FBXL4: variants seen among roughly 807,000 people sequenced by gnomAD.
FBXL4 encodes F-box and leucine rich repeat protein 4.
FBXL4 carries 40 observed loss-of-function variants against 58.9 expected under a neutral mutation model. The ratio of observed to expected loss-of-function variants is 0.68; its 90% CI spans 0.53 to 0.88. FBXL4 has a LOEUF of 0.88. Among genes scored for constraint, FBXL4 ranks in the 40% least tolerant of loss-of-function variants. The probability of loss-of-function intolerance (pLI) is 0.00; values close to 1 mark genes in which losing one functional copy is unlikely to be tolerated. For synonymous variants in FBXL4, 263 were observed against 265.5 expected, an observed-to-expected ratio of 0.99 and a Z score of 0.09; for missense variants, 676 against 734.4, an observed-to-expected ratio of 0.92 and a Z score of 0.92.
intron 7 of FBXL4, among the ~76,000 whole-genome samples, chr6:98,885,668 T>C (rs764723389): frequency 1.3e-5 from 2 of 152,204 alleles, no homozygotes; most frequent in Non-Finnish European, 2.9e-5. Flanking sequence ...TCCTGGGTCT[T>C]AAACCTGCTA....
At chr6:98,921,159 T>A (rs1772568380) in intron 4 of FBXL4, among the ~76,000 whole-genome samples, 1 of 152,170 alleles carries the variant, frequency 6.6e-6, no homozygotes, top group East Asian at 1.9e-4. Flanking sequence ...TTCTTTCTGT[T>A]GATTGTACTG....
intron 7 of FBXL4, chr6:98,897,336 C>G (rs1298780639): frequency 1.0e-6 from 1 of 985,206 alleles, no homozygotes; most frequent in Non-Finnish European, 1.2e-6. Flanking sequence ...CATTTCACCA[C>G]AGACCAATGA....
At chr6:98,943,086 A>G (rs1046571331) in intron 1 of FBXL4, among the ~76,000 whole-genome samples, 1 of 151,552 alleles carries the variant, frequency 6.6e-6, no homozygotes, top group African/African-American at 2.4e-5. Context: ...AAATCTGAAT[A>G]AGGTCTATAG....
Position 98,904,267 on chromosome 6 carries a change from C to T in FBXL4, c.1103+1159G>A, listed in dbSNP as rs185083058. ...AAGGACTAAACTGTGTTTCACTGGACAGCTGCCAAATATCTAGCAATGAAC... is the reference window on the plus strand; with the variant it reads ...AAGGACTAAACTGTGTTTCACTGGATAGCTGCCAAATATCTAGCAATGAAC... On this transcript the variant is annotated intron_variant, in intron 6 of 9. Transcript: ENST00000369244. Among the ~76,000 whole-genome samples, 27 of 152,244 alleles carry T rather than the reference C, an allele frequency of 1.8e-4. No homozygotes were observed. In the East Asian group the frequency reaches 3.3e-3, roughly 18 times the overall value.
chr6:98,928,540 G>C (rs1377324844), intron 2 of FBXL4, among the ~76,000 whole-genome samples: 4 of 152,024 alleles, frequency 2.6e-5, no homozygotes, highest in Admixed American at 1.3e-4. Flanking sequence ...ATGTTAGCAA[G>C]GCTGATCTCG....
intron 7 of FBXL4, among the ~76,000 whole-genome samples, chr6:98,891,750 A>C (rs2128385633): frequency 6.6e-6 from 1 of 151,936 alleles, no homozygotes; most frequent in East Asian, 1.9e-4. Context: ...AAATTTAAAG[A>C]CATGGCAGTT....
intron 5 of FBXL4, among the ~76,000 whole-genome samples, chr6:98,906,333 C>T (rs1362529119): frequency 6.6e-6 from 1 of 151,714 alleles, no homozygotes; most frequent in African/African-American, 2.4e-5. Context: ...CTAGCCCCAC[C>T]ACCCCCCAAC....
At chr6:98,942,074 G>GA (rs11285691) in intron 1 of FBXL4, among the ~76,000 whole-genome samples, 35 of 144,872 alleles carry the variant, frequency 2.4e-4, no homozygotes, top group Non-Finnish European at 3.2e-4. Flanking sequence ...AATTCTAAAG[G>GA]AAAAAAAAAA....
intron 4 of FBXL4, 90 bp from the exon 5 acceptor site, chr6:98,917,809 G>T: frequency 2.3e-6 from 2 of 863,256 alleles, no homozygotes; most frequent in Non-Finnish European, 1.7e-6. Context: ...ATATGTCACA[G>T]TGTGAAACAA....
intron 2 of FBXL4, among the ~76,000 whole-genome samples, chr6:98,929,948 T>C (rs1056033236): frequency 3.9e-5 from 6 of 152,072 alleles, no homozygotes; most frequent in Non-Finnish European, 8.8e-5. Context: ...CACACAACCT[T>C]CATGGTTTAG....
chr6:98,912,744 G>C (rs377475391), intron 5 of FBXL4, among the ~76,000 whole-genome samples: 4 of 151,814 alleles, frequency 2.6e-5, no homozygotes, highest in Admixed American at 2.6e-4. Context: ...AAAGACCATC[G>C]AGAATAGGAA....
intron 7 of FBXL4, among the ~76,000 whole-genome samples, chr6:98,894,866 A>G (rs1771358558): frequency 6.6e-6 from 1 of 152,218 alleles, no homozygotes; most frequent in Non-Finnish European, 1.5e-5. Flanking sequence ...CATGAAATAA[A>G]TTAAGAAACC....
intron 5 of FBXL4, among the ~76,000 whole-genome samples, chr6:98,913,851 C>A (rs1318301401): frequency 6.6e-6 from 1 of 152,090 alleles, no homozygotes; most frequent in Admixed American, 6.6e-5. Context: ...CATAAAAAAA[C>A]CCTTCAAAAA....
Position 98,871,412 on chromosome 6 carries a change from C to A in FBXL4, c.*2866G>T, listed in dbSNP as rs578014734. On this transcript the variant is annotated 3_prime_UTR_variant, in exon 10 of 10. Coordinates refer to ENST00000369244, the MANE Select transcript of FBXL4 (RefSeq NM_001278716.2). ...TGCTTATTTGATAAGTCAATGCCAA[C>A]GTTGAAGTGACTGAAATTAGTCTCT... 2 of 152,108 alleles carry A rather than the reference C, an allele frequency of 1.3e-5. No individual in the cohort carries two copies. Among genetic ancestry groups the A allele is most frequent in the Admixed American group, 1.3e-4 (2 of 15,280 alleles). 9.4% of individuals were successfully genotyped at this position (152,108 alleles called of 1,614,324 possible).
intron 2 of FBXL4, among the ~76,000 whole-genome samples, chr6:98,930,933 G>C: frequency 6.6e-6 from 1 of 152,136 alleles, no homozygotes; most frequent in East Asian, 1.9e-4. Context: ...AAGTTAAACT[G>C]CAAAAATAAA....
At chr6:98,916,107 C>T (rs1421578372) in intron 5 of FBXL4, among the ~76,000 whole-genome samples, 2 of 151,938 alleles carry the variant, frequency 1.3e-5, no homozygotes, top group Admixed American at 1.3e-4. Context: ...CAAATCAAAA[C>T]CACAATGAGA....
At chr6:98,928,007 G>A (rs1279608694) in intron 2 of FBXL4, among the ~76,000 whole-genome samples, 185 bp from the exon 3 acceptor site, 2 of 152,122 alleles carry the variant, frequency 1.3e-5, no homozygotes, top group Non-Finnish European at 2.9e-5. Flanking sequence ...ATTTAATAAT[G>A]AACGCTATCT....
At chr6:98,890,223 C>T (rs1053129396) in intron 7 of FBXL4, among the ~76,000 whole-genome samples, 3 of 152,068 alleles carry the variant, frequency 2.0e-5, no homozygotes, top group African/African-American at 4.8e-5. Flanking sequence ...CAATATAGGA[C>T]AGTAGGATTC....
At position 98,899,479 on chromosome 6, in the gene FBXL4, A is replaced by C. The variant is rs917867704; in HGVS notation, c.1106T>G (p.Phe369Cys). The change falls in exon 7 of 10, where the codon TTT (phenylalanine) becomes TGT (cysteine). Residue 369 changes from phenylalanine (F) to cysteine (C), a missense_variant and splice_region_variant. Phe to Cys is a radical substitution (Grantham distance 205). Transcript: ENST00000369244. ...TAATTCGGATCCACAAACCTTCAGA[A>C]ACCTGCCAAAACAACATTCTATGTG... ...GFISVAGFSR[F>C]LKVCGSELVR... The C allele has an allele frequency of 1.9e-6, 3 of 1,610,646 alleles. No homozygotes were observed. In the African/African-American group the frequency reaches 4.0e-5, roughly 22 times the overall value.
Sources: gnomAD v4.1 joint callset for allele counts (sites outside exome capture counted in the v4.1 genomes callset) on GRCh38, gnomAD v4.1.1 for gene constraint, MANE v1.5 for transcripts, NCBI Gene and HGNC (gene_info 2026-07-23, HGNC 2026-07-21) for gene names.